Variants in CACNA2D1 observed in about 807,000 individuals in gnomAD.
CACNA2D1 encodes voltage-dependent calcium channel subunit alpha-2/delta-1.
CACNA2D1 carries 53 observed loss-of-function variants against 171.5 expected under a neutral mutation model. The ratio of observed to expected loss-of-function variants is 0.31; its 90% CI spans 0.25 to 0.39. The LOEUF (loss-of-function observed/expected upper bound fraction) is 0.39, where lower values mean the gene tolerates loss of function less well. Among genes scored for constraint, CACNA2D1 ranks in the 10% least tolerant of loss-of-function variants. The pLI, the probability that CACNA2D1 is intolerant of heterozygous loss-of-function variation, is 1.00. For synonymous variants in CACNA2D1, 442 were observed against 443.1 expected (o/e 1.00, Z 0.03); for missense variants, 903 against 1,299.8 (o/e 0.69, Z 4.69).
intron 12 of CACNA2D1, 99 bp from the exon 13 acceptor site, chr7:82,014,578 A>C: frequency 1.4e-6 from 1 of 725,888 alleles, no homozygotes; most frequent in Non-Finnish European, 2.5e-6. Flanking sequence ...AGTGCTTTCC[A>C]GTTGAATGAT....
At chr7:82,166,484 CAATT>C (rs534237860) in intron 4 of CACNA2D1, among the ~76,000 whole-genome samples, 49 of 152,050 alleles carry the variant, frequency 3.2e-4, no homozygotes, top group Non-Finnish European at 5.4e-4. Context: ...TGTGTAAGTA[CAATT>C]AATATTGCAA....
At chr7:82,390,681 C>T (rs3801677) in intron 1 of CACNA2D1, among the ~76,000 whole-genome samples, 1,766 of 152,182 alleles carry the variant, frequency 0.012, 62 homozygotes, top group East Asian at 0.071. Context: ...CCTATTCAAA[C>T]GACTCATGTG....
At chr7:82,441,485 T>C (rs1830499294) in intron 1 of CACNA2D1, among the ~76,000 whole-genome samples, 1 of 152,130 alleles carries the variant, frequency 6.6e-6, no homozygotes. Context: ...ATGTCCTACT[T>C]CCCATTTTAA....
rs1425900521 is a variant in CACNA2D1, at chr7:81,946,714, A to G, written c.*3678T>C. 1 of 152,078 alleles carries G rather than the reference A, an allele frequency of 6.6e-6. No homozygotes were observed. Among genetic ancestry groups the G allele is most frequent in the East Asian group, 1.9e-4 (1 of 5,182 alleles). The allele number at this position is 152,078 out of a possible 1,614,324, so 9.4% of individuals were successfully genotyped here. ...AAAAGCATGATCCGACACTCATACA[A>G]CACAACAAAAAAGACAGCTTTACTA... On this transcript the variant is annotated 3_prime_UTR_variant, in exon 39 of 39. Coordinates refer to ENST00000356860, the MANE Select transcript of CACNA2D1 (RefSeq NM_000722.4).
At chr7:82,324,933 T>A (rs1399165585) in intron 3 of CACNA2D1, among the ~76,000 whole-genome samples, 2 of 152,122 alleles carry the variant, frequency 1.3e-5, no homozygotes, top group Non-Finnish European at 2.9e-5. Context: ...AACCATATAT[T>A]AAGGTGTAAA....
At chr7:82,210,978 G>A (rs1800489118) in intron 3 of CACNA2D1, among the ~76,000 whole-genome samples, 1 of 152,134 alleles carries the variant, frequency 6.6e-6, no homozygotes, top group African/African-American at 2.4e-5. Flanking sequence ...TAGGCACTGT[G>A]TTAAGAGCTT....
intron 1 of CACNA2D1, among the ~76,000 whole-genome samples, chr7:82,437,306 G>C (rs774907643): frequency 5.3e-5 from 8 of 151,988 alleles, no homozygotes; most frequent in Non-Finnish European, 7.4e-5. Flanking sequence ...TCCATCATTT[G>C]CCAGAAGACC....
intron 1 of CACNA2D1, among the ~76,000 whole-genome samples, chr7:82,421,583 CA>C (rs1563530201): frequency 6.6e-6 from 1 of 151,688 alleles, no homozygotes; most frequent in South Asian, 2.1e-4. Context: ...ACTGATACTC[CA>C]AAAAAGAATA....
chr7:82,420,095 G>C (rs944591021), intron 1 of CACNA2D1, among the ~76,000 whole-genome samples: 1 of 152,118 alleles, frequency 6.6e-6, no homozygotes, highest in African/African-American at 2.4e-5. Context: ...CTTAGGTTAT[G>C]TGAGAAAAAT....
intron 12 of CACNA2D1, chr7:82,030,049 A>G (rs1802477391): frequency 6.6e-6 from 1 of 151,878 alleles, no homozygotes; most frequent in Admixed American, 6.6e-5. Context: ...TATTAGTTTT[A>G]TAAAAGTACA....
At position 82,198,084 on chromosome 7, in the gene CACNA2D1, T is replaced by C. The variant is rs142510643; in HGVS notation, c.295-27475A>G. ...GTCCCAGGAGAATGCCATTCATTTC[T>C]ATACCCCCAGTATAAAACAAAAACA... On this transcript the variant is annotated intron_variant, in intron 3 of 38. Transcript: ENST00000356860. 3.2e-3 allele frequency among the ~76,000 whole-genome samples: 492 copies of C among 151,886 alleles called. 3 individuals carry two copies. Among genetic ancestry groups the C allele is most frequent in the Middle Eastern group, 6.8e-3 (2 of 294 alleles).
chr7:82,167,911 G>A (rs1437279488), intron 4 of CACNA2D1, among the ~76,000 whole-genome samples: 1 of 152,048 alleles, frequency 6.6e-6, no homozygotes, highest in African/African-American at 2.4e-5. Flanking sequence ...TACTTACTGG[G>A]CAAATAATTC....
intron 4 of CACNA2D1, among the ~76,000 whole-genome samples, chr7:82,153,203 T>G (rs1378852887): frequency 6.6e-6 from 1 of 151,770 alleles, no homozygotes; most frequent in Non-Finnish European, 1.5e-5. Context: ...TAAATAACTG[T>G]TTTCCTTTTT....
intron 3 of CACNA2D1, among the ~76,000 whole-genome samples, chr7:82,331,297 T>C (rs1449001703): frequency 6.6e-6 from 1 of 152,160 alleles, no homozygotes. Context: ...TGTTTTCCAC[T>C]GTATTTACCT....
intron 1 of CACNA2D1, among the ~76,000 whole-genome samples, chr7:82,435,859 C>A (rs1424256894): frequency 6.6e-6 from 1 of 152,148 alleles, no homozygotes; most frequent in South Asian, 2.1e-4. Flanking sequence ...CTGCTCATCC[C>A]CTCCTTGGGT....
intron 3 of CACNA2D1, among the ~76,000 whole-genome samples, chr7:82,172,220 C>T (rs557161831): frequency 1.3e-5 from 2 of 152,060 alleles, no homozygotes; most frequent in Admixed American, 1.3e-4. Context: ...AGGCGGCTCC[C>T]TCTCCCTACA....
intron 3 of CACNA2D1, among the ~76,000 whole-genome samples, chr7:82,330,870 T>C (rs1015088160): frequency 6.6e-6 from 1 of 151,824 alleles, no homozygotes; most frequent in Non-Finnish European, 1.5e-5. Flanking sequence ...CAGACACACC[T>C]GAATTTGAAT....
chr7:82,136,730 A>G, intron 4 of CACNA2D1, 54 bp from the exon 5 acceptor site: 3 of 1,143,240 alleles, frequency 2.6e-6, no homozygotes, highest in Non-Finnish European at 2.5e-6. Flanking sequence ...TACTGTATCA[A>G]ATACTGAATA....
chr7:82,372,700 A>G (rs777168416), intron 1 of CACNA2D1, among the ~76,000 whole-genome samples: 7 of 152,130 alleles, frequency 4.6e-5, no homozygotes, highest in Non-Finnish European at 8.8e-5. Context: ...AAAAATCTTG[A>G]TAATTGCTTA....
Sources: gnomAD v4.1 joint callset for allele counts (sites outside exome capture counted in the v4.1 genomes callset) on GRCh38, gnomAD v4.1.1 for gene constraint, MANE v1.5 for transcripts, NCBI Gene and HGNC (gene_info 2026-07-23, HGNC 2026-07-21) for gene names.